The following NUP210L variants were observed in gnomAD, a reference collection of about 807,000 sequenced individuals.
NUP210L encodes the protein nucleoporin 210 like, also known as nuclear pore membrane glycoprotein 210-like.
Under a neutral mutation model 208.5 loss-of-function variants are expected in NUP210L, and 74 were observed. The ratio of observed to expected loss-of-function variants is 0.35; its 90% CI spans 0.29 to 0.43. The LOEUF (loss-of-function observed/expected upper bound fraction) is 0.43, where lower values mean the gene tolerates loss of function less well. NUP210L is among the 20% of genes least tolerant of loss of function. The probability of loss-of-function intolerance (pLI) is 1.00; values close to 1 mark genes in which losing one functional copy is unlikely to be tolerated. For missense variants in NUP210L, 1,843 were observed against 2,289.4 expected (o/e 0.81, Z 3.98); for synonymous variants, 780 against 816.9 (o/e 0.95, Z 0.77).
rs1010618209 is a variant in NUP210L at position 154,073,440 on chromosome 1, C to T, written c.2362-2975G>A. 2.6e-5 allele frequency among the ~76,000 whole-genome samples: 4 copies of T among 152,138 alleles called. 1 individual carries two copies. In the South Asian group the frequency reaches 6.2e-4, roughly 24 times the overall value. ...ACTTGAGAAACTGAGGTGGAAGGAT[C>T]GCTTGAGCCCAAGTTCAAGGTTACA... On this transcript the variant is annotated intron_variant, in intron 16 of 39. Transcript: ENST00000368559.
At chr1:154,048,263 G>C (rs1032059756) in intron 25 of NUP210L, among the ~76,000 whole-genome samples, 8 of 152,102 alleles carry the variant, frequency 5.3e-5, no homozygotes, top group East Asian at 1.9e-4. Context: ...CCCAGTGACT[G>C]TTCAAGTAGC....
intron 20 of NUP210L, 99 bp from the exon 21 acceptor site, chr1:154,058,792 C>T: frequency 1.6e-6 from 2 of 1,256,934 alleles, no homozygotes; most frequent in Non-Finnish European, 2.2e-6. Context: ...AAACATCTTG[C>T]TTTCTTTGAA....
rs546486530 is a variant in NUP210L, at chr1:154,045,974, G to C, written c.3696+95C>G. Reference sequence around the variant, plus strand: ...CACTCCAGCCTGGGGGACAGAGTGAGACCTCATCTCAAAACAAAAAGAAAC... The same window carrying C: ...CACTCCAGCCTGGGGGACAGAGTGACACCTCATCTCAAAACAAAAAGAAAC... On this transcript the variant is annotated intron_variant, in intron 27 of 39. Transcript: ENST00000368559. 31 of 1,155,442 alleles carry C rather than the reference G, an allele frequency of 2.7e-5. No individual in the cohort carries two copies. In the South Asian group the frequency reaches 5.2e-4, roughly 19 times the overall value. 71.6% of individuals were successfully genotyped at this position (1,155,442 alleles called of 1,614,324 possible). A position where few individuals can be genotyped will look rare whatever the true frequency, so the allele number is the denominator to read the frequency against.
At chr1:154,031,569 C>T (rs1652222900) in intron 27 of NUP210L, among the ~76,000 whole-genome samples, 1 of 130,600 alleles carries the variant, frequency 7.7e-6, no homozygotes, top group Non-Finnish European at 1.6e-5. Flanking sequence ...CATCATTCTA[C>T]TCTGTCTCCA....
intron 25 of NUP210L, among the ~76,000 whole-genome samples, chr1:154,054,020 A>G (rs111337030): frequency 7.9e-4 from 120 of 152,328 alleles, no homozygotes; most frequent in African/African-American, 2.3e-3. Context: ...TAAGGATGGG[A>G]ACCATATCTT....
At chr1:154,150,961 G>A in intron 2 of NUP210L, among the ~76,000 whole-genome samples, 1 of 151,938 alleles carries the variant, frequency 6.6e-6, no homozygotes, top group Non-Finnish European at 1.5e-5. Context: ...TTACCACTGG[G>A]AATCTCATCT....
intron 7 of NUP210L, 27 bp downstream of exon 7, chr1:154,135,787 G>A (rs562518304): frequency 6.3e-7 from 1 of 1,595,920 alleles, no homozygotes; most frequent in Non-Finnish European, 8.6e-7. Flanking sequence ...GTGTAGACTG[G>A]CAGCTAAAAC....
Position 154,152,802 on chromosome 1 carries a change from C to A in NUP210L, c.274G>T (p.Ala92Ser), listed in dbSNP as rs756050145. Residue 92 changes from alanine to serine, a missense_variant, in exon 2 of 40, where the codon GCT (alanine) becomes TCT (serine). Physicochemically the swap from Ala to Ser is moderately conservative, Grantham distance 99 (BLOSUM62 1). This residue lies in a region of NUP210L where 542 missense variants were observed against 606.4 expected (regional missense o/e 0.89). Coordinates refer to ENST00000368559, the Ensembl canonical transcript of NUP210L. ...TGCGTAGATTCAGCAATGAGTACAGCTTTTTGGGAACACAAGGTGCCATTT... is the reference window on the plus strand; with the variant it reads ...TGCGTAGATTCAGCAATGAGTACAGATTTTTGGGAACACAAGGTGCCATTT... The A allele has an allele frequency of 1.9e-6, 3 of 1,613,936 alleles. No individual in the cohort carries two copies. In the Admixed American group the frequency reaches 5.0e-5, roughly 27 times the overall value.
At chr1:154,041,127 C>T (rs1051761942) in intron 27 of NUP210L, among the ~76,000 whole-genome samples, 1 of 151,776 alleles carries the variant, frequency 6.6e-6, no homozygotes, top group Non-Finnish European at 1.5e-5. Flanking sequence ...ACCACACCTA[C>T]CTAATTTTAA....
Position 154,001,286 on chromosome 1 carries a change from C to T in NUP210L, c.5182-226G>A, listed in dbSNP as rs1650198125. On this transcript the variant is annotated intron_variant, in intron 36 of 39. Coordinates refer to ENST00000368559, the Ensembl canonical transcript of NUP210L. ...GATCTCAGCTCCCTGCAACCTCTGC[C>T]TCCCGGGTTCAAGCAATTTTCCTGC... Among the ~76,000 whole-genome samples the T allele has an allele frequency of 2.0e-5, 3 of 152,144 alleles. No individual in the cohort carries two copies. The South Asian group carries it at 6.2e-4, about 32-fold the overall frequency.
At chr1:154,122,217 C>T in intron 10 of NUP210L, among the ~76,000 whole-genome samples, 1 of 80,942 alleles carries the variant, frequency 1.2e-5, no homozygotes, top group South Asian at 4.8e-4. Flanking sequence ...AAGATACAAA[C>T]TACCAAATAA....
intron 35 of NUP210L, among the ~76,000 whole-genome samples, chr1:154,005,227 A>AT (rs1247459853): frequency 1.3e-5 from 2 of 150,000 alleles, no homozygotes; most frequent in African/African-American, 4.9e-5. Context: ...TTATTTATTT[A>AT]TTTATTTTTT....
intron 3 of NUP210L, among the ~76,000 whole-genome samples, chr1:154,141,996 T>TA (rs1658874080): frequency 1.3e-5 from 2 of 151,990 alleles, no homozygotes; most frequent in Admixed American, 1.3e-4. Flanking sequence ...ACCTGGTCTG[T>TA]AAAATAAAAA....
At chr1:154,036,747 G>C (rs574429703) in intron 27 of NUP210L, among the ~76,000 whole-genome samples, 2 of 151,926 alleles carry the variant, frequency 1.3e-5, no homozygotes, top group South Asian at 2.1e-4. Flanking sequence ...CTCACTGCTG[G>C]CTTGAATTTT....
At chr1:154,121,352 A>G (rs1657606910) in intron 10 of NUP210L, among the ~76,000 whole-genome samples, 1 of 152,110 alleles carries the variant, frequency 6.6e-6, no homozygotes, top group South Asian at 2.1e-4. Context: ...ATATCAGGGA[A>G]CCCAGAACGA....
chr1:154,004,870 T>C (rs2147894204), intron 35 of NUP210L, among the ~76,000 whole-genome samples: 1 of 148,742 alleles, frequency 6.7e-6, no homozygotes, highest in South Asian at 2.1e-4. Context: ...TTTTTTTTTT[T>C]TGAGATGGAA....
At chr1:154,043,243 C>T (rs935884595) in intron 27 of NUP210L, among the ~76,000 whole-genome samples, 1 of 151,972 alleles carries the variant, frequency 6.6e-6, no homozygotes, top group Non-Finnish European at 1.5e-5. Context: ...TGGTCTTGAA[C>T]TCCTGGGCTC....
At chr1:154,028,141 C>T (rs999950403) in intron 28 of NUP210L, among the ~76,000 whole-genome samples, 2 of 152,076 alleles carry the variant, frequency 1.3e-5, no homozygotes, top group African/African-American at 2.4e-5. Flanking sequence ...GAAACTTACT[C>T]GACCCATATA....
chr1:154,088,988 T>C (rs1477147165), intron 16 of NUP210L, among the ~76,000 whole-genome samples: 1 of 152,160 alleles, frequency 6.6e-6, no homozygotes, highest in Non-Finnish European at 1.5e-5. Flanking sequence ...TATTATTTAT[T>C]AATATTGTTA....
Sources: gnomAD v4.1 joint callset for allele counts (sites outside exome capture counted in the v4.1 genomes callset) on GRCh38, gnomAD v4.1.1 for gene constraint, gnomAD v4.1.1 regional missense constraint, MANE v1.5 for transcripts, NCBI Gene and HGNC (gene_info 2026-07-23, HGNC 2026-07-21) for gene names.